MAGI2: variants seen among roughly 807,000 people sequenced by gnomAD.
MAGI2 encodes membrane associated guanylate kinase, WW and PDZ domain containing 2, also known as membrane-associated guanylate kinase, WW and PDZ domain-containing protein 2.
In MAGI2, 35 loss-of-function variants were observed where a neutral mutation model predicts 133.3. The observed-to-expected ratio is 0.26, with a 90% CI of 0.20 to 0.35. The LOEUF (loss-of-function observed/expected upper bound fraction) is 0.35, where lower values mean the gene tolerates loss of function less well. Ranked by LOEUF, MAGI2 falls within the 10% of genes least tolerant of loss-of-function variation. The pLI, the probability that MAGI2 is intolerant of heterozygous loss-of-function variation, is 1.00. For missense variants in MAGI2, 1,636 were observed against 1,863.4 expected, an observed-to-expected ratio of 0.88 and a Z score of 2.25; for synonymous variants, 729 against 710.6, an observed-to-expected ratio of 1.03 and a Z score of -0.41.
chr7:79,425,584 A>C (rs952456374), intron 1 of MAGI2, among the ~76,000 whole-genome samples: 14 of 81,666 alleles, frequency 1.7e-4, no homozygotes, highest in Non-Finnish European at 2.5e-4. Flanking sequence ...GGTTTTATAT[A>C]TATATATATA....
At chr7:78,909,995 T>A (rs1173815972) in intron 2 of MAGI2, among the ~76,000 whole-genome samples, 1 of 152,126 alleles carries the variant, frequency 6.6e-6, no homozygotes, top group African/African-American at 2.4e-5. Context: ...GGGACATGGA[T>A]GAAGCTGGAA....
intron 1 of MAGI2, among the ~76,000 whole-genome samples, chr7:79,357,059 G>C (rs1013615342): frequency 6.6e-6 from 1 of 152,122 alleles, no homozygotes; most frequent in African/African-American, 2.4e-5. Context: ...TGATGCTCAA[G>C]GTTATTTTAC....
At chr7:79,038,666 C>T (rs1367936165) in intron 1 of MAGI2, among the ~76,000 whole-genome samples, 1 of 152,140 alleles carries the variant, frequency 6.6e-6, no homozygotes. Context: ...TTTCTTTTTA[C>T]AGCTATATAG....
chr7:78,545,077 G>A (rs1304797205), intron 3 of MAGI2, among the ~76,000 whole-genome samples: 1 of 151,222 alleles, frequency 6.6e-6, no homozygotes, highest in Non-Finnish European at 1.5e-5. Context: ...GCTCCTAGAG[G>A]GCAGGTATCC....
chr7:78,937,041 G>A (rs979452995), intron 2 of MAGI2, among the ~76,000 whole-genome samples: 1 of 151,866 alleles, frequency 6.6e-6, no homozygotes, highest in Non-Finnish European at 1.5e-5. Flanking sequence ...AGGAACCAGG[G>A]TTCCTTAGAA....
In MAGI2 at chr7:79,308,165, T is replaced by C. The variant is rs76942255; in HGVS notation, c.301+144855A>G. Among the ~76,000 whole-genome samples the C allele has an allele frequency of 2.4e-3, 369 of 152,348 alleles. 15 individuals are homozygous for C. The East Asian group carries it at 0.064, about 26-fold the overall frequency. ...GTATGAAAAACAGTGTTTAGCATTA[T>C]AAAATCATATTGAAATGATTTTAAT... On this transcript the variant is annotated intron_variant, in intron 1 of 21. Transcript: ENST00000354212.
intron 6 of MAGI2, among the ~76,000 whole-genome samples, chr7:78,433,339 C>T (rs889990923): frequency 1.2e-4 from 18 of 151,982 alleles, no homozygotes; most frequent in Admixed American, 2.6e-4. Context: ...ATATACCTTT[C>T]AAGCATTTAA....
At chr7:78,163,045 C>T (rs1451418676) in intron 15 of MAGI2, among the ~76,000 whole-genome samples, 1 of 152,166 alleles carries the variant, frequency 6.6e-6, no homozygotes, top group Non-Finnish European at 1.5e-5. Context: ...TTTCTAGGAT[C>T]CCTGACTCAT....
At chr7:78,649,222 TA>T (rs1361378575) in intron 2 of MAGI2, among the ~76,000 whole-genome samples, 41 of 45,032 alleles carry the variant, frequency 9.1e-4, no homozygotes, top group Non-Finnish European at 1.1e-3. Flanking sequence ...TGACTTGTGG[TA>T]AAAAAAAAAA....
intron 21 of MAGI2, among the ~76,000 whole-genome samples, chr7:78,052,019 C>T (rs1812060830): frequency 6.6e-6 from 1 of 151,888 alleles, no homozygotes. Context: ...CTATGGCACA[C>T]ACCACCACAC....
intron 2 of MAGI2, among the ~76,000 whole-genome samples, chr7:78,912,313 G>T (rs765579765): frequency 1.3e-5 from 2 of 152,194 alleles, no homozygotes; most frequent in African/African-American, 2.4e-5. Flanking sequence ...ACTTCAAGGA[G>T]AAAGCAATGA....
chr7:79,399,081 T>TTTC (rs1215377357), intron 1 of MAGI2, among the ~76,000 whole-genome samples: 20 of 138,128 alleles, frequency 1.4e-4, no homozygotes, highest in African/African-American at 5.2e-4. Context: ...TATTATTTCT[T>TTTC]TTTTTTTTCT....
At chr7:79,403,045 T>C (rs548761884) in intron 1 of MAGI2, among the ~76,000 whole-genome samples, 23 of 152,316 alleles carry the variant, frequency 1.5e-4, no homozygotes, top group Non-Finnish European at 4.4e-5. Flanking sequence ...CCATATAAAG[T>C]GCTTAGAACA....
intron 2 of MAGI2, among the ~76,000 whole-genome samples, chr7:78,796,232 G>A (rs1333190183): frequency 1.3e-5 from 2 of 151,966 alleles, no homozygotes; most frequent in Admixed American, 6.6e-5. Flanking sequence ...TGCAAAGTAT[G>A]CATCTAACAA....
At position 78,185,621 on chromosome 7, in the gene MAGI2, A is replaced by T; in HGVS notation, c.2311+8T>A. 6.3e-7 allele frequency: 1 copy of T among 1,589,328 alleles called. No individual in the cohort carries two copies. Among genetic ancestry groups the T allele is most frequent in the Admixed American group, 1.7e-5 (1 of 59,502 alleles). Reference sequence around the variant, plus strand: ...TTCACAGAACTGTGAGTACTGAACAATACTTGCCAGAGGAATCCATTCGAA... The same window carrying T: ...TTCACAGAACTGTGAGTACTGAACATTACTTGCCAGAGGAATCCATTCGAA... On this transcript the variant is annotated splice_region_variant and intron_variant, in intron 13 of 21. Coordinates refer to ENST00000354212, the MANE Select transcript of MAGI2 (RefSeq NM_012301.4).
intron 2 of MAGI2, among the ~76,000 whole-genome samples, chr7:78,722,365 T>C (rs932596490): frequency 4.6e-5 from 7 of 152,010 alleles, no homozygotes; most frequent in Non-Finnish European, 1.0e-4. Context: ...ATTTGTCATA[T>C]TTCTGCATGG....
chr7:78,358,198 TATATA>T (rs1792352330), intron 7 of MAGI2: 2 of 16,420 alleles, frequency 1.2e-4, no homozygotes, highest in Non-Finnish European at 1.9e-4. Flanking sequence ...AAAAAAAAAA[TATATA>T]TATATATATA....
rs536984742 is a variant in MAGI2, at chr7:78,242,403, T to C, written c.2047+13540A>G. ...TCAGGAACACATGCACTGCAACTTA[T>C]GTGAGTGAGAAATAAACTTTTATTA... On this transcript the variant is annotated intron_variant, in intron 10 of 21. Coordinates refer to ENST00000354212, the MANE Select transcript of MAGI2 (RefSeq NM_012301.4). 3.3e-5 allele frequency among the ~76,000 whole-genome samples: 5 copies of C among 152,100 alleles called. No individual in the cohort carries two copies. The East Asian group carries it at 7.7e-4, about 24-fold the overall frequency.
intron 1 of MAGI2, among the ~76,000 whole-genome samples, chr7:79,015,748 G>A (rs931420217): frequency 1.3e-5 from 2 of 152,114 alleles, no homozygotes; most frequent in African/African-American, 4.8e-5. Flanking sequence ...CCACCTATAA[G>A]TCTTTTCATT....
Sources: gnomAD v4.1 joint callset for allele counts (sites outside exome capture counted in the v4.1 genomes callset) on GRCh38, gnomAD v4.1.1 for gene constraint, MANE v1.5 for transcripts, NCBI Gene and HGNC (gene_info 2026-07-23, HGNC 2026-07-21) for gene names.